The following RAPGEF6 variants were observed in gnomAD, a reference collection of about 807,000 sequenced individuals.
RAPGEF6 encodes the protein Rap guanine nucleotide exchange factor 6.
A neutral mutation model predicts 171.4 loss-of-function variants in RAPGEF6; 56 were observed. That is an observed-to-expected ratio of 0.33 (90% CI 0.26 to 0.41). The LOEUF (loss-of-function observed/expected upper bound fraction) is 0.41, where lower values mean the gene tolerates loss of function less well. Ranked by LOEUF, RAPGEF6 falls within the 10% of genes least tolerant of loss-of-function variation. RAPGEF6 has a pLI of 1.00. For missense variants in RAPGEF6, 1,674 were observed against 1,921.4 expected (o/e 0.87, Z 2.41); for synonymous variants, 692 against 650.1 (o/e 1.06, Z -0.98).
chr5:131,561,914 T>C, intron 5 of RAPGEF6, 64 bp downstream of exon 5: 1 of 1,242,000 alleles, frequency 8.1e-7, no homozygotes, highest in East Asian at 2.4e-5. Flanking sequence ...GTTTAAAGCC[T>C]ACTACATTTA....
At position 131,562,081 on chromosome 5, in the gene RAPGEF6, G is replaced by A. The variant is rs573974375; in HGVS notation, c.282-34C>T. ...ACAGAAAAACAATTTCTTTAGCAAA[G>A]GTTATTAATAAAATATATCAATATA... On this transcript the variant is annotated intron_variant, in intron 4 of 27. Coordinates refer to ENST00000509018, the MANE Select transcript of RAPGEF6 (RefSeq NM_016340.6). 3.1e-4 allele frequency: 430 copies of A among 1,395,694 alleles called. 7 individuals carry two copies. In the South Asian group the frequency reaches 5.3e-3, roughly 17 times the overall value. 86.5% of individuals were successfully genotyped at this position (1,395,694 alleles called of 1,614,324 possible).
intron 3 of RAPGEF6, among the ~76,000 whole-genome samples, chr5:131,598,862 T>C (rs892614179): frequency 6.6e-6 from 1 of 152,212 alleles, no homozygotes; most frequent in African/African-American, 2.4e-5. Flanking sequence ...AAAGGCTTTC[T>C]TGTGTATAAC....
chr5:131,630,570 A>T (rs1238459955), intron 1 of RAPGEF6, among the ~76,000 whole-genome samples: 5 of 152,226 alleles, frequency 3.3e-5, no homozygotes, highest in Non-Finnish European at 7.3e-5. Flanking sequence ...TTGAGAAAGA[A>T]CTAGCTCAGG....
Position 131,506,426 on chromosome 5 carries a change from G to T in RAPGEF6, c.943-904C>A, listed in dbSNP as rs770191105. On this transcript the variant is annotated intron_variant, in intron 9 of 27. Coordinates refer to ENST00000509018, the MANE Select transcript of RAPGEF6 (RefSeq NM_016340.6). ...ACTACAAGCATGAGCCACTGCACCT[G>T]GCCCAAAGAAGATGTATTTTAAAGA... 5.9e-5 allele frequency among the ~76,000 whole-genome samples: 9 copies of T among 152,162 alleles called. 1 individual carries two copies. The South Asian group carries it at 1.9e-3, about 32-fold the overall frequency.
chr5:131,434,154 T>G lies in RAPGEF6; in HGVS notation c.3746-496A>C, dbSNP rs371313723. 2.6e-5 allele frequency among the ~76,000 whole-genome samples: 4 copies of G among 152,316 alleles called. No homozygotes were observed. The East Asian group carries it at 7.7e-4, about 29-fold the overall frequency. ...CAGGACTCAAGGGAAAGAACTACATTTTTGCTTTATCAAACTATATATACT... is the reference window on the plus strand; with the variant it reads ...CAGGACTCAAGGGAAAGAACTACATGTTTGCTTTATCAAACTATATATACT... On this transcript the variant is annotated intron_variant, in intron 24 of 27. Coordinates refer to ENST00000509018, the MANE Select transcript of RAPGEF6 (RefSeq NM_016340.6).
intron 6 of RAPGEF6, among the ~76,000 whole-genome samples, chr5:131,528,463 G>C (rs1759140282): frequency 6.7e-6 from 1 of 149,292 alleles, no homozygotes; most frequent in African/African-American, 2.5e-5. Context: ...CTGTGCCTGA[G>C]GTATGTGAAA....
intron 4 of RAPGEF6, among the ~76,000 whole-genome samples, chr5:131,580,872 T>C (rs1267211933): frequency 2.0e-5 from 3 of 152,184 alleles, no homozygotes; most frequent in Non-Finnish European, 4.4e-5. Context: ...ACATGTACTC[T>C]AGTCTTCCTT....
chr5:131,568,517 C>T (rs1581036686), intron 4 of RAPGEF6, among the ~76,000 whole-genome samples: 1 of 151,998 alleles, frequency 6.6e-6, no homozygotes, highest in Non-Finnish European at 1.5e-5. Flanking sequence ...CAGGGGTCTC[C>T]CTATGTTGAC....
chr5:131,562,123 AAAC>A (rs778688305), intron 4 of RAPGEF6, 76 bp from the exon 5 acceptor site: 4 of 976,094 alleles, frequency 4.1e-6, no homozygotes, highest in Non-Finnish European at 6.1e-6. Flanking sequence ...GAAAACAAAC[AAAC>A]AACAAAAAAG....
chr5:131,599,964 T>C (rs1343171473), intron 3 of RAPGEF6, among the ~76,000 whole-genome samples: 5 of 152,214 alleles, frequency 3.3e-5, no homozygotes, highest in African/African-American at 7.2e-5. Flanking sequence ...GACCCCATAC[T>C]GAAACTAATC....
chr5:131,631,853 G>T (rs1766326819), intron 1 of RAPGEF6, among the ~76,000 whole-genome samples: 1 of 152,136 alleles, frequency 6.6e-6, no homozygotes, highest in Admixed American at 6.5e-5. Flanking sequence ...AAGGCGGGCA[G>T]ATCACGAGGA....
intron 3 of RAPGEF6, among the ~76,000 whole-genome samples, chr5:131,597,407 C>A (rs1763965981): frequency 6.6e-6 from 1 of 152,004 alleles, no homozygotes. Context: ...ACAGAAATAT[C>A]TGCACTCCCA....
chr5:131,607,074 T>C (rs1160291612), intron 1 of RAPGEF6, among the ~76,000 whole-genome samples: 1 of 152,164 alleles, frequency 6.6e-6, no homozygotes, highest in Non-Finnish European at 1.5e-5. Flanking sequence ...CAGTTTATAA[T>C]TAGAATTTAT....
At chr5:131,497,801 T>C (rs1756731740) in intron 12 of RAPGEF6, among the ~76,000 whole-genome samples, 1 of 152,252 alleles carries the variant, frequency 6.6e-6, no homozygotes, top group African/African-American at 2.4e-5. Flanking sequence ...ATCCTACTTT[T>C]ATTTTCTTGA....
At chr5:131,451,960 C>T (rs940997783) in intron 21 of RAPGEF6, among the ~76,000 whole-genome samples, 3 of 152,144 alleles carry the variant, frequency 2.0e-5, no homozygotes, top group Non-Finnish European at 2.9e-5. Context: ...AGGCCAGGCG[C>T]GGTGGCTCAC....
chr5:131,497,948 T>A (rs1756741697), intron 12 of RAPGEF6, among the ~76,000 whole-genome samples: 1 of 152,222 alleles, frequency 6.6e-6, no homozygotes, highest in African/African-American at 2.4e-5. Flanking sequence ...AAAGGTAGAT[T>A]TAAATAAGTC....
chr5:131,626,116 G>A (rs1439909867), intron 1 of RAPGEF6, among the ~76,000 whole-genome samples: 2 of 152,058 alleles, frequency 1.3e-5, no homozygotes, highest in Non-Finnish European at 2.9e-5. Context: ...CTGCTAGTAC[G>A]TCCAGCTTCA....
At position 131,439,670 on chromosome 5, in the gene RAPGEF6, C is replaced by T. The variant is rs372356100; in HGVS notation, c.3656G>A (p.Ser1219Asn). 25 of 1,612,490 alleles carry T rather than the reference C, an allele frequency of 1.6e-5. No homozygotes were observed. The highest frequency in any genetic ancestry group is 2.0e-5 in the Non-Finnish European group (24 of 1,179,506). Residue 1219 changes from serine (S) to asparagine (N), a missense_variant, in exon 24 of 28, where the codon AGT becomes AAT. Around this residue, in one of 3 missense-constraint regions of RAPGEF6, gnomAD observed 552 missense variants for 574.2 expected, o/e 0.96. Transcript: ENST00000509018. ...AGTGTCTTCTGTATGCTTCTTACCA[C>T]TTATTTCTTCAGTTGTTCCTAAAAC... ...QKVLGTTEEI[S>N]GKKHTEDTIS...
At chr5:131,436,035 G>A in intron 24 of RAPGEF6, 2 of 1,537,046 alleles carry the variant, frequency 1.3e-6, no homozygotes, top group Non-Finnish European at 1.7e-6. Flanking sequence ...TTGAATTGAA[G>A]ATGGCACTCC....
Sources: gnomAD v4.1 joint callset for allele counts (sites outside exome capture counted in the v4.1 genomes callset) on GRCh38, gnomAD v4.1.1 for gene constraint, gnomAD v4.1.1 regional missense constraint, MANE v1.5 for transcripts, NCBI Gene and HGNC (gene_info 2026-07-23, HGNC 2026-07-21) for gene names.